The following ANKS1B variants were observed in gnomAD, a reference collection of about 807,000 sequenced individuals.
ANKS1B encodes the protein ankyrin repeat and sterile alpha motif domain containing 1B.
Under a neutral mutation model 148.3 loss-of-function variants are expected in ANKS1B, and 36 were observed. The ratio of observed to expected loss-of-function variants is 0.24; its 90% CI spans 0.19 to 0.32. The LOEUF is 0.32. Ranked by LOEUF, ANKS1B falls within the 10% of genes least tolerant of loss-of-function variation. The probability of loss-of-function intolerance (pLI) is 1.00; values close to 1 mark genes in which losing one functional copy is unlikely to be tolerated. For synonymous variants in ANKS1B, 542 were observed against 560.8 expected (o/e 0.97, Z 0.47); for missense variants, 1,157 against 1,542.6 (o/e 0.75, Z 4.19).
chr12:99,133,021 GTT>G (rs61255520), intron 15 of ANKS1B, among the ~76,000 whole-genome samples: 14 of 139,958 alleles, frequency 1.0e-4, no homozygotes, highest in African/African-American at 3.1e-4. Flanking sequence ...TGGCAACATG[GTT>G]TTTTTTTTTC....
At chr12:98,818,733 C>T (rs2099161779) in intron 19 of ANKS1B, among the ~76,000 whole-genome samples, 1 of 152,194 alleles carries the variant, frequency 6.6e-6, no homozygotes, top group African/African-American at 2.4e-5. Flanking sequence ...CATCTCTTTA[C>T]AATATACATT....
At chr12:99,238,884 A>G (rs1261656596) in intron 14 of ANKS1B, among the ~76,000 whole-genome samples, 3 of 152,228 alleles carry the variant, frequency 2.0e-5, no homozygotes, top group Non-Finnish European at 4.4e-5. Flanking sequence ...AACGAAAAGG[A>G]CATCCACACC....
At chr12:98,760,110 G>A (rs1392888572) in intron 25 of ANKS1B, among the ~76,000 whole-genome samples, 2 of 152,210 alleles carry the variant, frequency 1.3e-5, no homozygotes, top group African/African-American at 4.8e-5. Context: ...AATGTGAATA[G>A]TAGTTATCAC....
At chr12:99,665,063 G>A (rs529544352) in intron 8 of ANKS1B, among the ~76,000 whole-genome samples, 6 of 152,218 alleles carry the variant, frequency 3.9e-5, no homozygotes, top group Admixed American at 3.9e-4. Flanking sequence ...CGGCCATTAC[G>A]AATAAAGTCG....
intron 9 of ANKS1B, among the ~76,000 whole-genome samples, chr12:99,574,343 C>T (rs1266156630): frequency 6.6e-6 from 1 of 151,810 alleles, no homozygotes; most frequent in African/African-American, 2.4e-5. Flanking sequence ...AAGTTGTTGC[C>T]AGGGAATTGG....
intron 1 of ANKS1B, among the ~76,000 whole-genome samples, chr12:99,872,768 G>T: frequency 6.6e-6 from 1 of 152,056 alleles, no homozygotes; most frequent in East Asian, 1.9e-4. Flanking sequence ...AGTAAATGTT[G>T]CCTCTTCTCT....
intron 17 of ANKS1B, among the ~76,000 whole-genome samples, chr12:98,849,171 C>T (rs2099506603): frequency 1.3e-5 from 2 of 151,918 alleles, no homozygotes; most frequent in South Asian, 2.1e-4. Context: ...AGGTCAAATG[C>T]CTCAAATGTT....
intron 17 of ANKS1B, among the ~76,000 whole-genome samples, chr12:99,023,585 G>GCAA (rs1390957299): frequency 1.3e-5 from 2 of 151,736 alleles, no homozygotes; most frequent in African/African-American, 4.8e-5. Flanking sequence ...GTTTCACCAA[G>GCAA]GATGCACTGT....
intron 9 of ANKS1B, among the ~76,000 whole-genome samples, chr12:99,617,089 G>T (rs1377232540): frequency 6.6e-6 from 1 of 152,170 alleles, no homozygotes; most frequent in African/African-American, 2.4e-5. Flanking sequence ...AAACTACAAT[G>T]AGATACCACC....
At chr12:99,630,902 T>A (rs1598432967) in intron 9 of ANKS1B, among the ~76,000 whole-genome samples, 1 of 152,194 alleles carries the variant, frequency 6.6e-6, no homozygotes, top group East Asian at 1.9e-4. Flanking sequence ...AATTCCCATG[T>A]GTCATGGGAG....
chr12:99,395,650 C>T (rs1165441607), intron 12 of ANKS1B, among the ~76,000 whole-genome samples: 2 of 152,086 alleles, frequency 1.3e-5, no homozygotes, highest in Admixed American at 1.3e-4. Context: ...TAAATGTGAA[C>T]CTATTTATAT....
intron 4 of ANKS1B, among the ~76,000 whole-genome samples, chr12:99,795,221 T>C (rs117606326): frequency 1.6e-3 from 247 of 152,022 alleles, no homozygotes; most frequent in Admixed American, 2.0e-3. Context: ...ATCCTGGACA[T>C]ATCACAGTAA....
At chr12:99,016,744 A>AT (rs2099942780) in intron 17 of ANKS1B, among the ~76,000 whole-genome samples, 1 of 152,170 alleles carries the variant, frequency 6.6e-6, no homozygotes, top group Admixed American at 6.6e-5. Flanking sequence ...CTTTTTAAAT[A>AT]ATTTTTATCT....
chr12:98,785,402 A>G (rs1358973233), intron 22 of ANKS1B, among the ~76,000 whole-genome samples: 1 of 152,170 alleles, frequency 6.6e-6, no homozygotes, highest in African/African-American at 2.4e-5. Context: ...CCCAGGAGGC[A>G]GAGATTCTAG....
At chr12:99,302,885 T>C (rs1377727490) in intron 12 of ANKS1B, among the ~76,000 whole-genome samples, 1 of 152,112 alleles carries the variant, frequency 6.6e-6, no homozygotes, top group Non-Finnish European at 1.5e-5. Flanking sequence ...AGAGATGACA[T>C]TAAAAAGCTG....
chr12:99,978,596 C>T (rs368665714), intron 1 of ANKS1B, among the ~76,000 whole-genome samples: 5 of 152,254 alleles, frequency 3.3e-5, no homozygotes, highest in East Asian at 1.9e-4. Flanking sequence ...TTCCATTTAA[C>T]CAATGCAGTT....
chr12:99,263,927 A>T (rs1189740036), intron 12 of ANKS1B, among the ~76,000 whole-genome samples: 1 of 152,132 alleles, frequency 6.6e-6, no homozygotes, highest in Non-Finnish European at 1.5e-5. Context: ...TAATACAATT[A>T]CATATCTGAA....
intron 19 of ANKS1B, among the ~76,000 whole-genome samples, chr12:98,824,838 T>C (rs1489673958): frequency 6.6e-6 from 1 of 152,140 alleles, no homozygotes; most frequent in Non-Finnish European, 1.5e-5. Flanking sequence ...AAATAACCAG[T>C]GCAGTTTTGC....
At chr12:98,994,674 C>T (rs570907731) in intron 17 of ANKS1B, among the ~76,000 whole-genome samples, 4 of 152,130 alleles carry the variant, frequency 2.6e-5, no homozygotes, top group Non-Finnish European at 4.4e-5. Context: ...GTCAAGGTGT[C>T]GGCAGGGCTG....
Sources: gnomAD v4.1 joint callset for allele counts (sites outside exome capture counted in the v4.1 genomes callset) on GRCh38, gnomAD v4.1.1 for gene constraint, MANE v1.5 for transcripts, NCBI Gene and HGNC (gene_info 2026-07-23, HGNC 2026-07-21) for gene names.